The following PREX1 variants were observed in gnomAD, a reference collection of about 807,000 sequenced individuals.
PREX1 encodes the protein phosphatidylinositol 3,4,5-trisphosphate-dependent Rac exchanger 1 protein.
A neutral mutation model predicts 198.3 loss-of-function variants in PREX1; 41 were observed. That is an observed-to-expected ratio of 0.21 (90% CI 0.16 to 0.27). The LOEUF (loss-of-function observed/expected upper bound fraction) is 0.27. Among genes scored for constraint, PREX1 ranks in the 10% least tolerant of loss-of-function variants. PREX1 has a pLI of 1.00. For missense variants in PREX1, 1,620 were observed against 2,200.7 expected (o/e 0.74, Z 5.28); for synonymous variants, 843 against 887.2 (o/e 0.95, Z 0.89).
At chr20:48,778,335 A>T (rs187530125) in intron 1 of PREX1, among the ~76,000 whole-genome samples, 60 of 151,870 alleles carry the variant, frequency 4.0e-4, no homozygotes, top group Middle Eastern at 3.4e-3. Flanking sequence ...GCACTTTGGG[A>T]GGCCAAGGCG....
chr20:48,785,830 A>G (rs894797338), intron 1 of PREX1, among the ~76,000 whole-genome samples: 4 of 152,228 alleles, frequency 2.6e-5, no homozygotes, highest in South Asian at 2.1e-4. Context: ...TTCCATAAAT[A>G]CTGACGAGCC....
At chr20:48,679,260 G>C (rs1205138532) in intron 13 of PREX1, 100 bp downstream of exon 13, 1 of 1,016,400 alleles carries the variant, frequency 9.8e-7, no homozygotes, top group East Asian at 2.4e-5. Context: ...CCATTTAATG[G>C]AGAAGGAGAC....
the PREX1 span, among the ~76,000 whole-genome samples, chr20:48,853,029 G>C: frequency 3.3e-5 from 5 of 152,296 alleles, no homozygotes; most frequent in Admixed American, 6.5e-5. Flanking sequence ...CCTGGTAGAA[G>C]ACACTAGTAA....
intron 3 of PREX1, among the ~76,000 whole-genome samples, chr20:48,743,444 G>A (rs1478161737): frequency 1.3e-5 from 2 of 152,048 alleles, no homozygotes; most frequent in Non-Finnish European, 2.9e-5. Context: ...CCGGCTTCCA[G>A]TTCTCCCTCC....
chr20:48,810,151 A>G (rs2090427797), intron 1 of PREX1, among the ~76,000 whole-genome samples: 1 of 151,984 alleles, frequency 6.6e-6, no homozygotes, highest in South Asian at 2.1e-4. Context: ...ACACAGGAAT[A>G]CTCTTCTCTT....
At chr20:48,650,840 G>A in intron 23 of PREX1, 54 bp downstream of exon 23, 1 of 1,587,236 alleles carries the variant, frequency 6.3e-7, no homozygotes, top group Non-Finnish European at 8.6e-7. Flanking sequence ...ATCCCAGGCT[G>A]AGATGCTATG....
the PREX1 span, among the ~76,000 whole-genome samples, chr20:48,885,836 C>T: frequency 4.9e-4 from 75 of 152,140 alleles, no homozygotes; most frequent in East Asian, 0.012. Context: ...CTGATTTCAA[C>T]GACATGACAT....
In PREX1 at chr20:48,734,670, C is replaced by A. The variant is rs371134303; in HGVS notation, c.415-20G>T. The A allele has an allele frequency of 4.4e-6, 7 of 1,607,946 alleles. No homozygotes were observed. The highest frequency in any genetic ancestry group is 5.1e-6 in the Non-Finnish European group (6 of 1,174,846). ...GTCCTTCTGCAAGACAAGGACAGAG[C>A]CTGTGGGAGGCAGGTCATGGTAGCA... is the stretch of plus-strand genomic sequence containing the variant. On this transcript the variant is annotated intron_variant, in intron 3 of 39. Coordinates refer to ENST00000371941, the MANE Select transcript of PREX1 (RefSeq NM_020820.4).
chr20:48,736,452 T>C (rs1367379402), intron 3 of PREX1, among the ~76,000 whole-genome samples: 1 of 152,084 alleles, frequency 6.6e-6, no homozygotes, highest in Non-Finnish European at 1.5e-5. Flanking sequence ...CACCACTCAC[T>C]CATCAAGTAT....
chr20:48,876,297 G>A, the PREX1 span, among the ~76,000 whole-genome samples: 5 of 152,260 alleles, frequency 3.3e-5, no homozygotes, highest in Admixed American at 2.0e-4. Flanking sequence ...TGGGCAGGAC[G>A]GGAGCCAACC....
intron 1 of PREX1, among the ~76,000 whole-genome samples, chr20:48,804,189 C>T (rs1010724190): frequency 6.6e-6 from 1 of 152,224 alleles, no homozygotes; most frequent in Non-Finnish European, 1.5e-5. Flanking sequence ...ATCTACTAAG[C>T]ACCCACTATG....
At chr20:48,854,751 C>G in the PREX1 span, among the ~76,000 whole-genome samples, 1 of 152,188 alleles carries the variant, frequency 6.6e-6, no homozygotes, top group Non-Finnish European at 1.5e-5. Flanking sequence ...TTACCAAGGT[C>G]AGTCATATAG....
intron 1 of PREX1, among the ~76,000 whole-genome samples, chr20:48,759,578 G>C (rs930944934): frequency 7.3e-6 from 1 of 136,504 alleles, no homozygotes; most frequent in Non-Finnish European, 1.6e-5. Context: ...AGAAAAGAAA[G>C]AAAAAAAGAA....
chr20:48,631,618 C>T (rs140941040), intron 35 of PREX1, among the ~76,000 whole-genome samples: 124 of 152,320 alleles, frequency 8.1e-4, no homozygotes, highest in African/African-American at 2.7e-3. Flanking sequence ...TCTGAGCAAA[C>T]GAATGAAGCC....
At chr20:48,760,484 C>T (rs1049793333) in intron 1 of PREX1, among the ~76,000 whole-genome samples, 13 of 152,000 alleles carry the variant, frequency 8.6e-5, no homozygotes, top group Non-Finnish European at 1.8e-4. Flanking sequence ...CTGCCAACCA[C>T]GTGACTTCAG....
chr20:48,753,357 C>T (rs1294536862), intron 1 of PREX1, among the ~76,000 whole-genome samples: 6 of 152,188 alleles, frequency 3.9e-5, no homozygotes, highest in Non-Finnish European at 8.8e-5. Flanking sequence ...TCACCTGTCG[C>T]CCTAACCTGA....
intron 5 of PREX1, among the ~76,000 whole-genome samples, chr20:48,719,552 C>T (rs917344886): frequency 2.6e-5 from 4 of 152,078 alleles, no homozygotes; most frequent in Non-Finnish European, 4.4e-5. Flanking sequence ...TGACAATGCC[C>T]GATCCCCAGC....
Position 48,818,175 on chromosome 20 carries a change from A to G in PREX1, c.219+9467T>C, listed in dbSNP as rs554081014. Among the ~76,000 whole-genome samples, 18 of 152,304 alleles carry G rather than the reference A, an allele frequency of 1.2e-4. No homozygotes were observed. The South Asian group carries it at 2.7e-3, about 23-fold the overall frequency. On this transcript the variant is annotated intron_variant, in intron 1 of 39. Coordinates refer to ENST00000371941, the MANE Select transcript of PREX1 (RefSeq NM_020820.4). ...CAGGTGCGTGCTTGGTGCATTTGAG[A>G]AAAGGCAAATGCGCTTGGAGGAAGT...
At chr20:48,833,834 A>G in the PREX1 span, among the ~76,000 whole-genome samples, 1 of 152,170 alleles carries the variant, frequency 6.6e-6, no homozygotes, top group East Asian at 1.9e-4. Flanking sequence ...CTGTAATCCC[A>G]GCACTTTGGG....
Sources: gnomAD v4.1 joint callset for allele counts (sites outside exome capture counted in the v4.1 genomes callset) on GRCh38, gnomAD v4.1.1 for gene constraint, MANE v1.5 for transcripts, NCBI Gene and HGNC (gene_info 2026-07-23, HGNC 2026-07-21) for gene names.